NRXN3: variants seen among roughly 807,000 people sequenced by gnomAD.
The protein encoded by NRXN3 is neurexin 3, also known as neurexin III.
Under a neutral mutation model 137.6 loss-of-function variants are expected in NRXN3, and 32 were observed. The observed-to-expected ratio is 0.23, with a 90% CI of 0.18 to 0.31. NRXN3 has a LOEUF of 0.31. NRXN3 is among the 10% of genes least tolerant of loss of function. The pLI is 1.00. For missense variants in NRXN3, 1,574 were observed against 2,062.5 expected, an observed-to-expected ratio of 0.76 and a Z score of 4.59; for synonymous variants, 798 against 784.5, an observed-to-expected ratio of 1.02 and a Z score of -0.29.
chr14:79,134,026 C>T (rs750966347), intron 15 of NRXN3, among the ~76,000 whole-genome samples: 19 of 152,002 alleles, frequency 1.2e-4, no homozygotes, highest in Non-Finnish European at 2.2e-4. Context: ...GTGGTGTCCT[C>T]ATTCCGTATC....
chr14:79,067,365 G>C (rs982472640), intron 15 of NRXN3, among the ~76,000 whole-genome samples: 1 of 152,118 alleles, frequency 6.6e-6, no homozygotes, highest in Admixed American at 6.6e-5. Flanking sequence ...AATTCAGTTT[G>C]TCAGTATTTT....
chr14:78,290,479 T>G (rs535352198), intron 3 of NRXN3, among the ~76,000 whole-genome samples: 1 of 152,240 alleles, frequency 6.6e-6, no homozygotes, highest in East Asian at 1.9e-4. Context: ...AGGGAAGGGC[T>G]GGTCTGAGAC....
chr14:78,509,564 C>G (rs2096064051), intron 4 of NRXN3, among the ~76,000 whole-genome samples: 1 of 152,062 alleles, frequency 6.6e-6, no homozygotes. Context: ...GCTTGGAAGT[C>G]AGGGAGAGGC....
intron 8 of NRXN3, among the ~76,000 whole-genome samples, chr14:78,767,628 T>G (rs1162404450): frequency 6.6e-6 from 1 of 152,248 alleles, no homozygotes; most frequent in Non-Finnish European, 1.5e-5. Flanking sequence ...TGTGAAATGC[T>G]TGGGAAACTA....
At chr14:79,018,635 T>C (rs930332027) in intron 15 of NRXN3, among the ~76,000 whole-genome samples, 8 of 152,180 alleles carry the variant, frequency 5.3e-5, no homozygotes, top group African/African-American at 1.9e-4. Flanking sequence ...CTAATAAATA[T>C]ATGCAGAATG....
intron 8 of NRXN3, among the ~76,000 whole-genome samples, chr14:78,715,392 T>C (rs2098426566): frequency 6.6e-6 from 1 of 152,212 alleles, no homozygotes; most frequent in African/African-American, 2.4e-5. Context: ...TTAAATATTT[T>C]CTATTTAGAG....
chr14:78,870,639 CTG>C, intron 10 of NRXN3, among the ~76,000 whole-genome samples: 1 of 152,124 alleles, frequency 6.6e-6, no homozygotes, highest in East Asian at 1.9e-4. Flanking sequence ...TTCTATCTAA[CTG>C]TGTTTTCGTG....
intron 2 of NRXN3, among the ~76,000 whole-genome samples, chr14:78,253,546 A>T (rs2068989625): frequency 6.6e-6 from 1 of 152,144 alleles, no homozygotes; most frequent in South Asian, 2.1e-4. Flanking sequence ...AAAGTGGTGC[A>T]TGCCTGTGGT....
chr14:78,865,725 TAAAC>T (rs1234038578), intron 10 of NRXN3, among the ~76,000 whole-genome samples: 1 of 150,974 alleles, frequency 6.6e-6, no homozygotes, highest in Non-Finnish European at 1.5e-5. Flanking sequence ...CTTTTGGAAT[TAAAC>T]AAAAGAGACC....
chr14:79,718,740 A>G (rs1455038937), intron 19 of NRXN3, among the ~76,000 whole-genome samples: 2 of 152,218 alleles, frequency 1.3e-5, no homozygotes, highest in African/African-American at 4.8e-5. Flanking sequence ...TCTTATGCTT[A>G]AGTCCAGGCA....
rs549101887 is a variant in NRXN3 at position 79,423,107 on chromosome 14, C to T, written c.3263-44114C>T. Reference sequence around the variant, plus strand: ...TCAGTTAGCTTCAACTCTGAATGAACACCGAAGATGTCTTGGCTTTCCTAA... The same window carrying T: ...TCAGTTAGCTTCAACTCTGAATGAATACCGAAGATGTCTTGGCTTTCCTAA... On this transcript the variant is annotated intron_variant, in intron 15 of 20. Transcript: ENST00000335750. 9.1e-4 allele frequency among the ~76,000 whole-genome samples: 139 copies of T among 152,256 alleles called. 4 individuals are homozygous for T. The South Asian group carries it at 0.028, about 30-fold the overall frequency.
intron 17 of NRXN3, among the ~76,000 whole-genome samples, chr14:79,686,831 C>T (rs146386050): frequency 9.1e-4 from 139 of 152,204 alleles, no homozygotes; most frequent in Non-Finnish European, 1.7e-3. Context: ...ACTGTCTGCT[C>T]GTATATATTT....
chr14:79,540,151 A>AC (rs973441406), intron 16 of NRXN3, among the ~76,000 whole-genome samples: 74 of 152,268 alleles, frequency 4.9e-4, no homozygotes, highest in African/African-American at 1.8e-3. Context: ...TGGGTAAAAG[A>AC]TGCCTTAAAA....
At chr14:78,197,094 A>G (rs1054626583) in intron 1 of NRXN3, among the ~76,000 whole-genome samples, 17 of 152,162 alleles carry the variant, frequency 1.1e-4, no homozygotes, top group Admixed American at 3.9e-4. Context: ...GAAGTGTGGC[A>G]GTTTGCTTGT....
At chr14:79,114,766 G>A (rs1380106715) in intron 15 of NRXN3, among the ~76,000 whole-genome samples, 4 of 152,012 alleles carry the variant, frequency 2.6e-5, no homozygotes, top group Admixed American at 1.3e-4. Flanking sequence ...GGGCTCAAGC[G>A]ATGCTCCCAC....
chr14:79,807,121 G>C (rs1048692162), intron 20 of NRXN3, among the ~76,000 whole-genome samples: 9 of 150,758 alleles, frequency 6.0e-5, no homozygotes, highest in African/African-American at 2.2e-4. Flanking sequence ...AGAACTACAT[G>C]CACCACTATG....
At chr14:79,400,287 T>A (rs770106041) in intron 15 of NRXN3, among the ~76,000 whole-genome samples, 4 of 152,180 alleles carry the variant, frequency 2.6e-5, no homozygotes, top group African/African-American at 4.8e-5. Context: ...ACTGATAGTC[T>A]CTGGGAAGAC....
chr14:79,010,337 T>TCCAA (rs2099568941), intron 15 of NRXN3, among the ~76,000 whole-genome samples: 1 of 152,120 alleles, frequency 6.6e-6, no homozygotes, highest in African/African-American at 2.4e-5. Flanking sequence ...AAACCAACCA[T>TCCAA]CCAACCACCA....
Position 78,948,324 on chromosome 14 carries a change from C to T in NRXN3, c.2276-8918C>T, listed in dbSNP as rs140008772. On this transcript the variant is annotated intron_variant, in intron 10 of 20. Transcript: ENST00000335750. ...AGTATTTATTCATTGGCTCCCTTCC[C>T]CTCCCCATTCTTTGATATTTACCCC... Among the ~76,000 whole-genome samples the T allele has an allele frequency of 4.4e-3, 665 of 152,336 alleles. 5 individuals carry two copies. Among genetic ancestry groups the T allele is most frequent in the African/African-American group, 0.015 (629 of 41,572 alleles).
Sources: allele counts gnomAD v4.1 joint callset (sites outside exome capture counted in the v4.1 genomes callset), GRCh38; gene constraint gnomAD v4.1.1; transcripts MANE v1.5; gene names NCBI Gene and HGNC (gene_info 2026-07-23, HGNC 2026-07-21).